Variants in DNAH12 observed in about 807,000 individuals in gnomAD.
DNAH12 encodes the protein dynein axonemal heavy chain 12, also known as axonemal beta dynein heavy chain 12.
DNAH12 carries 285 observed loss-of-function variants against 371.5 expected under a neutral mutation model. That is an observed-to-expected ratio of 0.77 (90% CI 0.70 to 0.85). The LOEUF (loss-of-function observed/expected upper bound fraction) is 0.85. DNAH12 is among the 40% of genes least tolerant of loss of function. The probability of loss-of-function intolerance (pLI) is 0.00; values close to 1 mark genes in which losing one functional copy is unlikely to be tolerated. For missense variants in DNAH12, 3,611 were observed against 3,689.4 expected (o/e 0.98, Z 0.55); for synonymous variants, 1,200 against 1,213.0 (o/e 0.99, Z 0.22).
chr3:57,417,141 T>C (rs2064402559), intron 37 of DNAH12, among the ~76,000 whole-genome samples: 1 of 152,034 alleles, frequency 6.6e-6, no homozygotes, highest in South Asian at 2.1e-4. Context: ...TCCCAGCTAC[T>C]TGGGAGGCTA....
Position 57,293,717 on chromosome 3 carries a change from A to G in DNAH12, c.*64T>C. 1 of 1,463,688 alleles carries G rather than the reference A, an allele frequency of 6.8e-7. No homozygotes were observed. Among genetic ancestry groups the G allele is most frequent in the Admixed American group, 2.4e-5 (1 of 42,250 alleles). The allele number at this position is 1,463,688 out of a possible 1,614,324, so 90.7% of individuals were successfully genotyped here. Reference sequence around the variant, plus strand: ...CAAAACACTTGGTTTTATAATGTATATATTTTAAGTAGGACAGGTTTTTTT... The same window carrying G: ...CAAAACACTTGGTTTTATAATGTATGTATTTTAAGTAGGACAGGTTTTTTT... On this transcript the variant is annotated 3_prime_UTR_variant, in exon 74 of 74. Transcript: ENST00000495027.
chr3:57,519,858 G>T, intron 4 of DNAH12: 1 of 1,004,198 alleles, frequency 1.0e-6, no homozygotes, highest in Non-Finnish European at 1.6e-6. Flanking sequence ...CTCTGCAGAT[G>T]GCGCACATAT....
chr3:57,497,698 C>T (rs768084592), intron 11 of DNAH12, among the ~76,000 whole-genome samples: 5 of 152,054 alleles, frequency 3.3e-5, no homozygotes, highest in Admixed American at 2.0e-4. Context: ...AATGTAGGAA[C>T]AAATCTTTAT....
chr3:57,390,618 C>T (rs2063603922), intron 45 of DNAH12, among the ~76,000 whole-genome samples: 1 of 150,428 alleles, frequency 6.6e-6, no homozygotes, highest in African/African-American at 2.4e-5. Flanking sequence ...GCACAGTCCA[C>T]ATTCTATTGG....
chr3:57,544,040 C>A (rs542354717), intron 1 of DNAH12, among the ~76,000 whole-genome samples, 157 bp downstream of exon 1: 1 of 152,242 alleles, frequency 6.6e-6, no homozygotes, highest in East Asian at 1.9e-4. Flanking sequence ...AAGCGAGACT[C>A]CGTCTCAAAA....
At chr3:57,338,231 C>T (rs1468462737) in intron 60 of DNAH12, among the ~76,000 whole-genome samples, 1 of 152,208 alleles carries the variant, frequency 6.6e-6, no homozygotes, top group East Asian at 1.9e-4. Flanking sequence ...GGGCTGGTCT[C>T]CAGCTCCTGA....
chr3:57,542,042 AC>A (rs764015763), intron 2 of DNAH12, among the ~76,000 whole-genome samples: 11 of 151,746 alleles, frequency 7.2e-5, no homozygotes, highest in Non-Finnish European at 1.6e-4. Context: ...ATCCCTAGAA[AC>A]CAGCAGAATC....
At chr3:57,355,915 C>T (rs1235302299) in intron 59 of DNAH12, among the ~76,000 whole-genome samples, 3 of 152,166 alleles carry the variant, frequency 2.0e-5, no homozygotes, top group Admixed American at 1.3e-4. Flanking sequence ...TTGTTATAAA[C>T]ACTTTACAAA....
Position 57,495,836 on chromosome 3 carries a change from A to T in DNAH12, c.1335+5485T>A, listed in dbSNP as rs866763998. ...TATATATATTTATATATTTATATAT[A>T]TTTTAAACAATGTATTTATATATTT... is the stretch of plus-strand genomic sequence containing the variant. On this transcript the variant is annotated intron_variant, in intron 11 of 73. Transcript: ENST00000495027. Among the ~76,000 whole-genome samples, 12 of 142,538 alleles carry T rather than the reference A, an allele frequency of 8.4e-5. No homozygotes were observed. In the South Asian group the frequency reaches 1.9e-3, roughly 23 times the overall value. 93.5% of individuals were successfully genotyped at this position (142,538 alleles called of 152,430 possible). A position where few individuals can be genotyped will look rare whatever the true frequency, so the allele number is the denominator to read the frequency against.
chr3:57,547,687 A>G (rs900848098), upstream of DNAH12, among the ~76,000 whole-genome samples: 1 of 152,202 alleles, frequency 6.6e-6, no homozygotes, highest in Non-Finnish European at 1.5e-5. Context: ...TAATGCAGAG[A>G]AAAAAAGTTT....
intron 50 of DNAH12, among the ~76,000 whole-genome samples, chr3:57,380,911 A>T (rs913958405): frequency 1.1e-4 from 16 of 152,264 alleles, no homozygotes; most frequent in Non-Finnish European, 2.2e-4. Context: ...AAAGGAAAAT[A>T]ATGGTTATTT....
At chr3:57,440,563 AACTATTGG>A (rs1199306615) in intron 29 of DNAH12, among the ~76,000 whole-genome samples, 8 of 152,208 alleles carry the variant, frequency 5.3e-5, no homozygotes, top group Non-Finnish European at 1.0e-4. Context: ...CTGAAAAACT[AACTATTGG>A]GTACTATGCT....
intron 25 of DNAH12, among the ~76,000 whole-genome samples, chr3:57,451,837 C>T (rs7643596): frequency 0.55 from 83,731 of 151,834 alleles, 23,232 homozygotes; most frequent in South Asian, 0.6. Flanking sequence ...TCCTAACAAA[C>T]AGAAAACACC....
intron 73 of DNAH12, among the ~76,000 whole-genome samples, chr3:57,294,660 T>C (rs1372423173): frequency 1.3e-5 from 2 of 152,176 alleles, no homozygotes; most frequent in African/African-American, 4.8e-5. Flanking sequence ...GAAATACAAC[T>C]GCTTAGAGCT....
chr3:57,442,559 ACAT>A (rs1404248644), intron 29 of DNAH12, among the ~76,000 whole-genome samples: 1 of 152,208 alleles, frequency 6.6e-6, no homozygotes, highest in Non-Finnish European at 1.5e-5. Flanking sequence ...GGAGTGATAA[ACAT>A]TTTTTGAAAT....
intron 9 of DNAH12, 143 bp from the exon 10 acceptor site, chr3:57,502,622 T>C: frequency 1.2e-6 from 1 of 814,660 alleles, no homozygotes; most frequent in East Asian, 2.9e-5. Flanking sequence ...CGATCTCGGC[T>C]CACTGCAACC....
chr3:57,525,271 T>C (rs1052085462), intron 2 of DNAH12, among the ~76,000 whole-genome samples: 1 of 152,044 alleles, frequency 6.6e-6, no homozygotes, highest in Non-Finnish European at 1.5e-5. Flanking sequence ...CTCACTGCTC[T>C]CCCCACACCA....
At chr3:57,482,820 G>A (rs2066790796) in intron 13 of DNAH12, among the ~76,000 whole-genome samples, 1 of 150,450 alleles carries the variant, frequency 6.6e-6, no homozygotes, top group African/African-American at 2.5e-5. Flanking sequence ...ACTATTGCAA[G>A]GACAAAAAAC....
At chr3:57,516,694 C>T (rs1042077466) in intron 4 of DNAH12, among the ~76,000 whole-genome samples, 12 of 152,350 alleles carry the variant, frequency 7.9e-5, no homozygotes, top group African/African-American at 2.9e-4. Context: ...CTCACCTAGA[C>T]TGTTATCTTG....
Sources: allele counts gnomAD v4.1 joint callset (sites outside exome capture counted in the v4.1 genomes callset), GRCh38; gene constraint gnomAD v4.1.1; transcripts MANE v1.5; gene names NCBI Gene and HGNC (gene_info 2026-07-23, HGNC 2026-07-21).